Variants in GALK2 observed in about 807,000 individuals in gnomAD.
The protein encoded by GALK2 is galactokinase 2, also known as N-acetylgalactosamine kinase.
In GALK2, 36 loss-of-function variants were observed where a neutral mutation model predicts 52.4. That is an observed-to-expected ratio of 0.69 (90% CI 0.53 to 0.91). The LOEUF (loss-of-function observed/expected upper bound fraction) is 0.91. GALK2 is among the 40% of genes least tolerant of loss of function. GALK2 has a pLI of 0.00. For synonymous variants in GALK2, 176 were observed against 199.1 expected, an observed-to-expected ratio of 0.88 and a Z score of 0.98; for missense variants, 579 against 559.1, an observed-to-expected ratio of 1.04 and a Z score of -0.36.
At chr15:49,273,201 A>G (rs926199826) in intron 5 of GALK2, among the ~76,000 whole-genome samples, 8 of 152,224 alleles carry the variant, frequency 5.3e-5, no homozygotes, top group African/African-American at 1.7e-4. Context: ...TGAGTGCTTA[A>G]TGCAAACTCT....
At chr15:49,216,387 C>T (rs1243411878) in intron 2 of GALK2, among the ~76,000 whole-genome samples, 2 of 152,168 alleles carry the variant, frequency 1.3e-5, no homozygotes, top group East Asian at 3.9e-4. Context: ...TGAGCTGGTA[C>T]CCAAATTGCA....
intron 3 of GALK2, among the ~76,000 whole-genome samples, chr15:49,349,757 C>A (rs2041991060): frequency 6.6e-6 from 1 of 152,140 alleles, no homozygotes; most frequent in Non-Finnish European, 1.5e-5. Context: ...TGGGCTTATA[C>A]AGAGAGTGAC....
intron 1 of GALK2, among the ~76,000 whole-genome samples, chr15:49,185,327 G>A (rs1324929165): frequency 1.3e-5 from 2 of 152,138 alleles, no homozygotes; most frequent in Admixed American, 6.5e-5. Flanking sequence ...TTTTATGGCT[G>A]TGTAGTATTA....
chr15:49,155,861 G>A (rs534747533), exon 1 of GALK2: 2 of 972,496 alleles, frequency 2.1e-6, no homozygotes, highest in East Asian at 2.4e-5. Context: ...CGGAAACTGC[G>A]CTCGCATCGA....
chr15:49,312,629 T>C lies in GALK2; in HGVS notation c.968-6975T>C, dbSNP rs184454339. Among the ~76,000 whole-genome samples, 10 of 152,328 alleles carry C rather than the reference T, an allele frequency of 6.6e-5. 1 individual carries two copies. Among genetic ancestry groups the C allele is most frequent in the Admixed American group, 6.5e-4 (10 of 15,304 alleles). ...ATATCAGCCAATTCTCCCTCTTTTG[T>C]ATACCTATATATCCTGTTGTTTGTG... On this transcript the variant is annotated intron_variant, in intron 8 of 9. Coordinates refer to ENST00000560031, the MANE Select transcript of GALK2 (RefSeq NM_002044.4).
intron 1 of GALK2, among the ~76,000 whole-genome samples, chr15:49,173,721 A>C (rs569635306): frequency 2.7e-4 from 41 of 151,952 alleles, no homozygotes; most frequent in Non-Finnish European, 5.1e-4. Flanking sequence ...ATATCAGTTC[A>C]TACAGATATA....
At chr15:49,349,841 A>G (rs985379665) in intron 3 of GALK2, among the ~76,000 whole-genome samples, 3 of 152,150 alleles carry the variant, frequency 2.0e-5, no homozygotes, top group African/African-American at 7.2e-5. Flanking sequence ...TTTTTCTGTA[A>G]GCAAAAACGA....
At chr15:49,228,401 T>G (rs1423057393) in intron 3 of GALK2, among the ~76,000 whole-genome samples, 1 of 151,530 alleles carries the variant, frequency 6.6e-6, no homozygotes, top group Non-Finnish European at 1.5e-5. Context: ...ATAAGGTTTT[T>G]TCATTCTCTC....
intron 3 of GALK2, among the ~76,000 whole-genome samples, chr15:49,222,617 A>T (rs987417722): frequency 6.6e-6 from 1 of 152,116 alleles, no homozygotes; most frequent in Non-Finnish European, 1.5e-5. Flanking sequence ...GTTGAATTTT[A>T]TTACATGCTT....
chr15:49,221,836 G>A (rs906164535), intron 3 of GALK2, among the ~76,000 whole-genome samples: 30 of 152,144 alleles, frequency 2.0e-4, no homozygotes, highest in South Asian at 6.2e-4. Context: ...GTCAGATAGC[G>A]TGACCCCTCT....
At chr15:49,164,813 A>T (rs1047554252) in intron 1 of GALK2, among the ~76,000 whole-genome samples, 1 of 151,582 alleles carries the variant, frequency 6.6e-6, no homozygotes, top group Non-Finnish European at 1.5e-5. Context: ...AAAAGAAATA[A>T]AAAGGAAAAA....
intron 3 of GALK2, among the ~76,000 whole-genome samples, chr15:49,366,952 C>A (rs2151450596): frequency 6.6e-6 from 1 of 152,240 alleles, no homozygotes; most frequent in Admixed American, 6.5e-5. Context: ...CTGGGCCCTA[C>A]CCCTGCTTCA....
chr15:49,360,162 C>G (rs975929700), intron 3 of GALK2, among the ~76,000 whole-genome samples: 2 of 150,852 alleles, frequency 1.3e-5, no homozygotes, highest in South Asian at 4.2e-4. Flanking sequence ...GTGGGTGCAG[C>G]GCACCAGCAT....
chr15:49,338,495 G>A (rs532328392), intron 3 of GALK2, among the ~76,000 whole-genome samples: 16 of 152,312 alleles, frequency 1.1e-4, no homozygotes, highest in East Asian at 3.9e-4. Flanking sequence ...AGAGAGATCC[G>A]CTGTTAGTCT....
intron 3 of GALK2, among the ~76,000 whole-genome samples, chr15:49,228,697 T>TA (rs1566958156): frequency 1.4e-4 from 7 of 51,210 alleles, no homozygotes; most frequent in African/African-American, 6.1e-4. Flanking sequence ...ATTTTTTTTT[T>TA]TTTTTTTTTT....
intron 1 of GALK2, among the ~76,000 whole-genome samples, chr15:49,182,681 T>C (rs1305958502): frequency 6.6e-6 from 1 of 152,232 alleles, no homozygotes; most frequent in East Asian, 1.9e-4. Context: ...ATAAAAGCCA[T>C]TGTAGCTTGG....
intron 3 of GALK2, among the ~76,000 whole-genome samples, chr15:49,346,424 G>T (rs1172852721): frequency 2.6e-5 from 4 of 152,012 alleles, no homozygotes; most frequent in African/African-American, 4.8e-5. Context: ...CACACCTAAG[G>T]CCACCCCCAT....
intron 1 of GALK2, chr15:49,198,843 C>CTCCCTCCG (rs1239731086): frequency 7.3e-6 from 1 of 137,068 alleles, no homozygotes; most frequent in Non-Finnish European, 1.6e-5. Flanking sequence ...TCCCCTCTCC[C>CTCCCTCCG]TCCCTCCCTC....
chr15:49,280,819 T>C (rs1264800389), intron 5 of GALK2, among the ~76,000 whole-genome samples: 1 of 152,124 alleles, frequency 6.6e-6, no homozygotes, highest in South Asian at 2.1e-4. Context: ...GAAGACTCCA[T>C]GATGAAGAAA....
Sources: gnomAD v4.1 joint callset for allele counts (sites outside exome capture counted in the v4.1 genomes callset) on GRCh38, gnomAD v4.1.1 for gene constraint, MANE v1.5 for transcripts, NCBI Gene and HGNC (gene_info 2026-07-23, HGNC 2026-07-21) for gene names.